Variants in PAK5 observed in about 807,000 individuals in gnomAD.
PAK5 encodes the protein p21 (RAC1) activated kinase 5.
PAK5 carries 16 observed loss-of-function variants against 65.9 expected under a neutral mutation model. The ratio of observed to expected loss-of-function variants is 0.24; its 90% CI spans 0.16 to 0.37. The LOEUF is 0.37. Among genes scored for constraint, PAK5 ranks in the 10% least tolerant of loss-of-function variants. PAK5 has a pLI of 1.00. For missense variants in PAK5, 785 were observed against 903.9 expected, an observed-to-expected ratio of 0.87 and a Z score of 1.69; for synonymous variants, 371 against 354.9, an observed-to-expected ratio of 1.05 and a Z score of -0.51.
chr20:9,781,524 C>CT (rs756309043), intron 1 of PAK5, among the ~76,000 whole-genome samples: 9 of 152,274 alleles, frequency 5.9e-5, no homozygotes, highest in Admixed American at 1.3e-4. Flanking sequence ...CACTGAGACT[C>CT]TAATATCCAG....
chr20:9,693,241 C>T (rs1287978587), intron 2 of PAK5, among the ~76,000 whole-genome samples: 1 of 152,116 alleles, frequency 6.6e-6, no homozygotes, highest in Non-Finnish European at 1.5e-5. Context: ...CCTTGTAAAT[C>T]TGACATTTTT....
In PAK5 at chr20:9,678,000, C is replaced by A. The variant is rs189666665; in HGVS notation, c.-12+33286G>T. Reference sequence around the variant, plus strand: ...TAGTTGAAATTATTCTGAGAAGGGACCATGGGCTCATCAGATTGCCATCCC... The same window carrying A: ...TAGTTGAAATTATTCTGAGAAGGGAACATGGGCTCATCAGATTGCCATCCC... On this transcript the variant is annotated intron_variant, in intron 2 of 9. Transcript: ENST00000353224. Among the ~76,000 whole-genome samples the A allele has an allele frequency of 5.3e-5, 8 of 152,298 alleles. No homozygotes were observed. In the East Asian group the frequency reaches 1.5e-3, roughly 29 times the overall value.
chr20:9,733,387 C>CTCTTTCTTTCTTTCTT (rs138872634), intron 1 of PAK5, among the ~76,000 whole-genome samples: 3 of 150,558 alleles, frequency 2.0e-5, no homozygotes, highest in African/African-American at 7.3e-5. Flanking sequence ...TTACCAATCT[C>CTCTTTCTTTCTTTCTT]TCTTTCTTTC....
chr20:9,584,602 C>T (rs764356225), intron 3 of PAK5, among the ~76,000 whole-genome samples: 8 of 152,214 alleles, frequency 5.3e-5, no homozygotes, highest in South Asian at 2.1e-4. Context: ...TGAGCCACAG[C>T]GCCTGGCCTT....
intron 2 of PAK5, among the ~76,000 whole-genome samples, chr20:9,690,750 C>CTTTCTTT (rs1298213630): frequency 2.5e-4 from 26 of 103,980 alleles, no homozygotes; most frequent in African/African-American, 1.0e-3. Flanking sequence ...TTCTTTCTTT[C>CTTTCTTT]TTTTTTTTTT....
rs143355178 is a variant in PAK5, at chr20:9,636,785, C to G, written c.204+7340G>C. 2.0e-4 allele frequency among the ~76,000 whole-genome samples: 30 copies of G among 152,218 alleles called. No individual in the cohort carries two copies. In the East Asian group the frequency reaches 5.2e-3, roughly 26 times the overall value. Reference sequence around the variant, plus strand: ...AAGATTGCTGGCCAACTAGAAAAGACAAAAGTCTCTATTTTCATTTAAAAC... The same window carrying G: ...AAGATTGCTGGCCAACTAGAAAAGAGAAAAGTCTCTATTTTCATTTAAAAC... On this transcript the variant is annotated intron_variant, in intron 3 of 9. Transcript: ENST00000353224.
chr20:9,681,885 A>G (rs2039061437), intron 2 of PAK5, among the ~76,000 whole-genome samples: 1 of 152,094 alleles, frequency 6.6e-6, no homozygotes, highest in Admixed American at 6.5e-5. Flanking sequence ...TTAGTCTATA[A>G]ACACCTCCGT....
At chr20:9,571,637 T>C (rs959115669) in intron 4 of PAK5, among the ~76,000 whole-genome samples, 1 of 152,204 alleles carries the variant, frequency 6.6e-6, no homozygotes, top group African/African-American at 2.4e-5. Context: ...GCTTTCTACA[T>C]GCCAGGGACT....
chr20:9,623,261 A>C (rs945600430), intron 3 of PAK5, among the ~76,000 whole-genome samples: 2 of 152,158 alleles, frequency 1.3e-5, no homozygotes, highest in Admixed American at 6.5e-5. Context: ...TTGTTGAAAA[A>C]TATAGTAAAA....
Position 9,539,086 on chromosome 20 carries a change from T to C in PAK5, c.*376A>G, listed in dbSNP as rs2045215483. On this transcript the variant is annotated 3_prime_UTR_variant, in exon 10 of 10. Transcript: ENST00000353224. ...AAAAGTGCTTTTTGTTTTCCTTTCTTTCTTTTTTTTTTTTTTTTGCCAGAA... is the reference window on the plus strand; with the variant it reads ...AAAAGTGCTTTTTGTTTTCCTTTCTCTCTTTTTTTTTTTTTTTTGCCAGAA... 4.5e-6 allele frequency: 1 copy of C among 224,130 alleles called. No homozygotes were observed. Among genetic ancestry groups the C allele is most frequent in the African/African-American group, 2.7e-5 (1 of 37,234 alleles). The allele number at this position is 224,130 out of a possible 1,614,324, so 13.9% of individuals were successfully genotyped here.
intron 1 of PAK5, among the ~76,000 whole-genome samples, chr20:9,806,403 C>T (rs919947688): frequency 6.6e-6 from 1 of 152,126 alleles, no homozygotes; most frequent in African/African-American, 2.4e-5. Flanking sequence ...TCTTTCAAGA[C>T]ACAAGGCAGA....
chr20:9,593,830 C>T (rs1218933443), intron 3 of PAK5, among the ~76,000 whole-genome samples: 5 of 152,042 alleles, frequency 3.3e-5, no homozygotes, highest in East Asian at 1.9e-4. Flanking sequence ...CTCTCTTTCT[C>T]TCTCTCTCTC....
intron 9 of PAK5, among the ~76,000 whole-genome samples, chr20:9,542,237 G>A (rs2045276491): frequency 6.6e-6 from 1 of 152,160 alleles, no homozygotes; most frequent in Non-Finnish European, 1.5e-5. Flanking sequence ...AAAAGCTGGG[G>A]TCATGCACGG....
intron 2 of PAK5, among the ~76,000 whole-genome samples, chr20:9,680,705 A>G (rs768053463): frequency 2.0e-5 from 3 of 152,206 alleles, no homozygotes; most frequent in Non-Finnish European, 4.4e-5. Context: ...AAGAAGATAT[A>G]GACATGTAGA....
chr20:9,577,152 GT>G (rs199615206), intron 4 of PAK5, among the ~76,000 whole-genome samples: 1,525 of 152,200 alleles, frequency 0.01, 17 homozygotes, highest in African/African-American at 0.035. Flanking sequence ...TATGGTTTTT[GT>G]TTGGCTTTGC....
intron 8 of PAK5, among the ~76,000 whole-genome samples, chr20:9,543,185 A>C (rs2122889007): frequency 6.6e-6 from 1 of 152,346 alleles, no homozygotes; most frequent in Non-Finnish European, 1.5e-5. Context: ...GCTTTTAAAA[A>C]TAGCTCTTTT....
intron 9 of PAK5, among the ~76,000 whole-genome samples, 176 bp downstream of exon 9, chr20:9,542,410 C>T (rs1289940335): frequency 6.6e-6 from 1 of 152,222 alleles, no homozygotes; most frequent in African/African-American, 2.4e-5. Flanking sequence ...GGCTGAGTCA[C>T]TTGCCCAGTA....
At chr20:9,763,142 AG>A (rs1569077611) in intron 1 of PAK5, among the ~76,000 whole-genome samples, 2 of 152,110 alleles carry the variant, frequency 1.3e-5, no homozygotes. Flanking sequence ...CAATGGTTAG[AG>A]GGTTCAAAGT....
intron 1 of PAK5, among the ~76,000 whole-genome samples, chr20:9,774,116 C>CTT (rs1179582027): frequency 3.3e-5 from 5 of 152,172 alleles, no homozygotes; most frequent in African/African-American, 1.2e-4. Flanking sequence ...AAGAAAGTGT[C>CTT]AATCTGGGAC....
Sources: gnomAD v4.1 joint callset for allele counts (sites outside exome capture counted in the v4.1 genomes callset) on GRCh38, gnomAD v4.1.1 for gene constraint, MANE v1.5 for transcripts, NCBI Gene and HGNC (gene_info 2026-07-23, HGNC 2026-07-21) for gene names.